LUZP2: variants seen among roughly 807,000 people sequenced by gnomAD.
LUZP2 encodes the protein leucine zipper protein 2.
A neutral mutation model predicts 51.6 loss-of-function variants in LUZP2; 52 were observed. The ratio of observed to expected loss-of-function variants is 1.01; its 90% CI spans 0.81 to 1.27. The LOEUF (loss-of-function observed/expected upper bound fraction) is 1.27, where lower values mean the gene tolerates loss of function less well. LUZP2 is among the 50% of genes most tolerant of loss of function. The probability of loss-of-function intolerance (pLI) is 0.00; values close to 1 mark genes in which losing one functional copy is unlikely to be tolerated. For synonymous variants in LUZP2, 154 were observed against 137.3 expected (o/e 1.12, Z -0.85); for missense variants, 436 against 395.4 (o/e 1.10, Z -0.87).
intron 5 of LUZP2, among the ~76,000 whole-genome samples, chr11:24,819,187 A>C (rs937061357): frequency 6.6e-6 from 1 of 152,070 alleles, no homozygotes; most frequent in Non-Finnish European, 1.5e-5. Context: ...GTCGTCTAGC[A>C]CAGCGTGTTT....
intron 9 of LUZP2, among the ~76,000 whole-genome samples, chr11:25,047,978 TA>T (rs34453795): frequency 0.48 from 72,940 of 151,458 alleles, 18,035 homozygotes; most frequent in East Asian, 0.81. Context: ...ACTACCACAT[TA>T]AAAAAAAAAT....
intron 5 of LUZP2, among the ~76,000 whole-genome samples, chr11:24,784,583 G>A (rs556024649): frequency 1.3e-5 from 2 of 152,010 alleles, no homozygotes; most frequent in East Asian, 3.9e-4. Context: ...TTTCCAATCT[G>A]TTTTTGTTTT....
At chr11:24,768,125 T>G (rs1409265938) in intron 5 of LUZP2, among the ~76,000 whole-genome samples, 1 of 150,882 alleles carries the variant, frequency 6.6e-6, no homozygotes, top group African/African-American at 2.5e-5. Flanking sequence ...CATCTTTAAT[T>G]AGTTGAAATT....
chr11:24,989,918 T>G (rs1319512895), intron 9 of LUZP2, among the ~76,000 whole-genome samples: 1 of 152,124 alleles, frequency 6.6e-6, no homozygotes, highest in Non-Finnish European at 1.5e-5. Flanking sequence ...ATATACAAAC[T>G]AAATTGATTC....
At position 24,658,925 on chromosome 11, in the gene LUZP2, G is replaced by C. The variant is rs557413886; in HGVS notation, c.63-70244G>C. 8.3e-4 allele frequency among the ~76,000 whole-genome samples: 126 copies of C among 152,276 alleles called. 1 individual carries two copies. The highest frequency in any genetic ancestry group is 3.0e-3 in the African/African-American group (124 of 41,558). ...TCATTAAAATGTCAGGAAACAACAG[G>C]TGCTGGAGAGGATGTGGAGAAATAG... On this transcript the variant is annotated intron_variant, in intron 1 of 11. Coordinates refer to ENST00000336930, the MANE Select transcript of LUZP2 (RefSeq NM_001009909.4).
intron 9 of LUZP2, among the ~76,000 whole-genome samples, chr11:25,021,946 TC>T (rs540488982): frequency 6.7e-4 from 102 of 152,168 alleles, no homozygotes; most frequent in African/African-American, 2.4e-3. Flanking sequence ...ACTCATGTCT[TC>T]CACTCCAACT....
intron 5 of LUZP2, 31 bp downstream of exon 5, chr11:24,763,339 A>T (rs765938209): frequency 4.2e-5 from 45 of 1,060,990 alleles, no homozygotes; most frequent in Admixed American, 3.3e-4. Context: ...GATACATTTT[A>T]TATAGATCAA....
chr11:25,006,809 A>G (rs545377908), intron 9 of LUZP2, among the ~76,000 whole-genome samples: 1 of 152,286 alleles, frequency 6.6e-6, no homozygotes, highest in Non-Finnish European at 1.5e-5. Context: ...GTTACAGCTC[A>G]TAAAGGTAGT....
At chr11:24,902,548 G>A (rs1204032212) in intron 5 of LUZP2, among the ~76,000 whole-genome samples, 3 of 152,094 alleles carry the variant, frequency 2.0e-5, no homozygotes, top group Admixed American at 2.0e-4. Context: ...TTCACTAATG[G>A]TGTGGAATGT....
chr11:24,819,733 AT>A (rs1040929607), intron 5 of LUZP2, among the ~76,000 whole-genome samples: 2 of 151,532 alleles, frequency 1.3e-5, no homozygotes, highest in South Asian at 2.1e-4. Flanking sequence ...TAATCAAATA[AT>A]TTTTTTCTCA....
intron 1 of LUZP2, among the ~76,000 whole-genome samples, chr11:24,640,277 G>A (rs891108672): frequency 2.6e-5 from 4 of 151,874 alleles, no homozygotes; most frequent in Non-Finnish European, 5.9e-5. Context: ...AAAGTTAAGG[G>A]CATCTTGGTC....
chr11:24,591,693 A>G (rs1853267334), intron 1 of LUZP2, among the ~76,000 whole-genome samples: 1 of 152,178 alleles, frequency 6.6e-6, no homozygotes, highest in Non-Finnish European at 1.5e-5. Context: ...GTAACCTAGC[A>G]GAATTACTGT....
chr11:25,071,178 A>G (rs1460749831), intron 10 of LUZP2, among the ~76,000 whole-genome samples: 6 of 152,042 alleles, frequency 3.9e-5, no homozygotes, highest in Admixed American at 3.9e-4. Flanking sequence ...CACTTAACAC[A>G]GTTCTAATCT....
intron 5 of LUZP2, among the ~76,000 whole-genome samples, chr11:24,875,644 T>C (rs1590672642): frequency 6.7e-6 from 1 of 150,048 alleles, no homozygotes; most frequent in Non-Finnish European, 1.5e-5. Flanking sequence ...GGTCAAATGG[T>C]ATTTCTAGTT....
intron 1 of LUZP2, among the ~76,000 whole-genome samples, chr11:24,702,409 G>T (rs1857446025): frequency 6.6e-6 from 1 of 152,148 alleles, no homozygotes; most frequent in African/African-American, 2.4e-5. Context: ...AAAGAAAAAA[G>T]AAAAGAGGTT....
At chr11:24,720,370 G>C (rs934759702) in intron 1 of LUZP2, among the ~76,000 whole-genome samples, 5 of 152,100 alleles carry the variant, frequency 3.3e-5, no homozygotes, top group Non-Finnish European at 7.4e-5. Context: ...AAAATTATAA[G>C]CAAAATATTA....
chr11:24,515,025 T>G (rs1850421098), intron 1 of LUZP2, among the ~76,000 whole-genome samples: 1 of 152,190 alleles, frequency 6.6e-6, no homozygotes, highest in Admixed American at 6.5e-5. Flanking sequence ...TCTGCTGATT[T>G]GAGCTCTTAA....
At chr11:25,046,751 A>G (rs66628277) in intron 9 of LUZP2, among the ~76,000 whole-genome samples, 71,309 of 151,964 alleles carry the variant, frequency 0.47, 17,199 homozygotes, top group Non-Finnish European at 0.51. Flanking sequence ...GAAAATTTAA[A>G]AAATCATCAA....
At chr11:24,814,820 T>A (rs1264199882) in intron 5 of LUZP2, among the ~76,000 whole-genome samples, 1 of 151,924 alleles carries the variant, frequency 6.6e-6, no homozygotes, top group Admixed American at 6.6e-5. Context: ...GTGAAACCCC[T>A]TCTCTACTAA....
Sources: gnomAD v4.1 joint callset for allele counts (sites outside exome capture counted in the v4.1 genomes callset) on GRCh38, gnomAD v4.1.1 for gene constraint, MANE v1.5 for transcripts, NCBI Gene and HGNC (gene_info 2026-07-23, HGNC 2026-07-21) for gene names.